The following WHRN variants were observed in gnomAD, a reference collection of about 807,000 sequenced individuals.
The protein encoded by WHRN is whirlin, also known as CASK-interacting protein CIP98.
Under a neutral mutation model 68.3 loss-of-function variants are expected in WHRN, and 41 were observed. The ratio of observed to expected loss-of-function variants is 0.60; its 90% CI spans 0.47 to 0.78. WHRN has a LOEUF of 0.78. Ranked by LOEUF, WHRN falls within the 30% of genes least tolerant of loss-of-function variation. The pLI is 0.00. For synonymous variants in WHRN, 560 were observed against 561.3 expected (o/e 1.00, Z 0.03); for missense variants, 1,243 against 1,244.7 (o/e 1.00, Z 0.02).
chr9:114,503,187 G>C (rs1844081892), intron 1 of WHRN: 1 of 985,556 alleles, frequency 1.0e-6, no homozygotes, highest in African/African-American at 1.7e-5. Context: ...GCAGCCAGCA[G>C]GCCCTCAGCT....
chr9:114,423,855 T>C (rs1359168039), intron 6 of WHRN, among the ~76,000 whole-genome samples: 1 of 152,198 alleles, frequency 6.6e-6, no homozygotes, highest in East Asian at 1.9e-4. Context: ...CCAAATCCTA[T>C]TTCCTCTGTT....
At chr9:114,474,218 A>G (rs991778081) in intron 2 of WHRN, among the ~76,000 whole-genome samples, 1 of 152,192 alleles carries the variant, frequency 6.6e-6, no homozygotes, top group Admixed American at 6.5e-5. Flanking sequence ...AGTTCACCTT[A>G]ACTAAAACAA....
At chr9:114,470,591 G>A (rs1019931344) in intron 2 of WHRN, among the ~76,000 whole-genome samples, 7 of 152,164 alleles carry the variant, frequency 4.6e-5, no homozygotes, top group African/African-American at 4.8e-5. Flanking sequence ...GTGGTCTTAC[G>A]ATGGTGGTGA....
At chr9:114,489,934 A>G (rs943743356) in intron 1 of WHRN, among the ~76,000 whole-genome samples, 1 of 152,226 alleles carries the variant, frequency 6.6e-6, no homozygotes, top group Non-Finnish European at 1.5e-5. Flanking sequence ...TCTCTTAAAC[A>G]AAAGTCCAAA....
In WHRN at chr9:114,498,900, A is replaced by T. The variant is rs183856842; in HGVS notation, c.618+5284T>A. The stretch of plus-strand genomic sequence containing the variant: ...AGGGAACAGGAGGGACAAAGCACCC[A>T]GCACATAGTAGGTAATCGTTAATGT... On this transcript the variant is annotated intron_variant, in intron 1 of 11. Transcript: ENST00000362057. Among the ~76,000 whole-genome samples, 694 of 152,314 alleles carry T rather than the reference A, an allele frequency of 4.6e-3. 3 individuals are homozygous for T. Among genetic ancestry groups the T allele is most frequent in the Admixed American group, 0.012 (177 of 15,304 alleles).
chr9:114,434,258 A>C (rs987353238), intron 3 of WHRN, among the ~76,000 whole-genome samples: 1 of 152,166 alleles, frequency 6.6e-6, no homozygotes, highest in Non-Finnish European at 1.5e-5. Context: ...AGGCTCAGAG[A>C]GGTGAAGCTA....
chr9:114,453,638 A>G (rs1432033903), intron 3 of WHRN, among the ~76,000 whole-genome samples: 3 of 152,224 alleles, frequency 2.0e-5, no homozygotes, highest in African/African-American at 4.8e-5. Flanking sequence ...AAATTCCACA[A>G]CTTGGATGAA....
At chr9:114,405,179 GTC>G (rs1834940936) in intron 9 of WHRN, among the ~76,000 whole-genome samples, 6 of 149,684 alleles carry the variant, frequency 4.0e-5, no homozygotes, top group Non-Finnish European at 5.9e-5. Flanking sequence ...GGTTCAAGTG[GTC>G]CTCCCACCTC....
At chr9:114,410,061 C>T (rs187564928) in intron 7 of WHRN, among the ~76,000 whole-genome samples, 4 of 152,244 alleles carry the variant, frequency 2.6e-5, no homozygotes, top group East Asian at 1.9e-4. Context: ...TTGCACCTGC[C>T]GCTCTCACTC....
At chr9:114,418,211 G>A (rs1181678927) in intron 7 of WHRN, among the ~76,000 whole-genome samples, 2 of 152,156 alleles carry the variant, frequency 1.3e-5, no homozygotes, top group Admixed American at 1.3e-4. Flanking sequence ...AGTCGCTCCT[G>A]AGGAAGGGTG....
chr9:114,478,687 T>A lies in WHRN; in HGVS notation c.703A>T (p.Thr235Ser). 1.2e-6 allele frequency: 2 copies of A among 1,612,920 alleles called. No homozygotes were observed. Among genetic ancestry groups the A allele is most frequent in the African/African-American group, 2.7e-5 (2 of 75,012 alleles). ...PGGYVTNHIY[T>S]WVDPQGRSIS... ...CTGCGGCCCTGCGGGTCCACCCAGG[T>A]GTAGATGTGGTTGGTGACGTAGCCC... Residue 235 changes from threonine (T) to serine (S), a missense_variant, in exon 2 of 12, where the codon ACC becomes TCC. Thr to Ser is a moderately conservative substitution (Grantham distance 58). Transcript: ENST00000362057.
At chr9:114,454,576 A>T (rs746732783) in intron 3 of WHRN, among the ~76,000 whole-genome samples, 5 of 152,198 alleles carry the variant, frequency 3.3e-5, no homozygotes, top group African/African-American at 4.8e-5. Flanking sequence ...AAACCTAAAT[A>T]AATGGAGAGA....
chr9:114,408,086 G>C (rs1835171181), intron 7 of WHRN, 68 bp from the exon 8 acceptor site: 8 of 1,349,086 alleles, frequency 5.9e-6, no homozygotes, highest in Non-Finnish European at 8.3e-6. Context: ...TTGTTCTCCA[G>C]CACACCAAAA....
At chr9:114,425,928 C>T (rs893683975) in intron 4 of WHRN, 1 of 485,800 alleles carries the variant, frequency 2.1e-6, no homozygotes. Flanking sequence ...TTATGGTCCC[C>T]ACTTTTTGGA....
At chr9:114,499,750 T>C (rs1201419322) in intron 1 of WHRN, among the ~76,000 whole-genome samples, 1 of 152,162 alleles carries the variant, frequency 6.6e-6, no homozygotes, top group Non-Finnish European at 1.5e-5. Flanking sequence ...GCAGGCAGAG[T>C]TGGAAAGCAG....
chr9:114,424,519 A>C lies in WHRN; in HGVS notation c.1231T>G (p.Ser411Ala), dbSNP rs2132378594. The C allele has an allele frequency of 6.2e-7, 1 of 1,613,556 alleles. No individual in the cohort carries two copies. The highest frequency in any genetic ancestry group is 2.2e-5 in the East Asian group (1 of 44,844). ...KPGFYKGPAG[S>A]QVTLSSLGNQ... Reference sequence around the variant, plus strand: ...CCCAGGCTGCTCAGGGTCACCTGGGAGCCGGCTGGGCCCTTGTAAAATCCT... The same window carrying C: ...CCCAGGCTGCTCAGGGTCACCTGGGCGCCGGCTGGGCCCTTGTAAAATCCT... The change falls in exon 6 of 12, where the codon TCC becomes GCC. Residue 411 changes from serine (S) to alanine (A), a missense_variant. Transcript: ENST00000362057.
chr9:114,439,448 G>A (rs1163225233), intron 3 of WHRN, among the ~76,000 whole-genome samples: 1 of 152,204 alleles, frequency 6.6e-6, no homozygotes, highest in East Asian at 1.9e-4. Flanking sequence ...TTTGTGTCTT[G>A]TAAAATTGGG....
intron 7 of WHRN, among the ~76,000 whole-genome samples, chr9:114,414,491 C>T (rs1330290374): frequency 1.3e-5 from 2 of 152,212 alleles, no homozygotes; most frequent in Non-Finnish European, 2.9e-5. Context: ...ACCCCCAGTC[C>T]TAAGTCAGTG....
rs767100303 is a variant in WHRN at position 114,404,068 on chromosome 9, G to C, written c.2246C>G (p.Thr749Arg). The stretch of plus-strand genomic sequence containing the variant: ...CCCGCTGTCCGAGAGCTGGGAGAGC[G>C]TAGAGGCTGCTGGAGAGGGGAAAAG... ...RALPQTRTAS[T>R]LSQLSDSGQT... is the part of the protein sequence containing the mutation. The change falls in exon 10 of 12, where the codon ACG becomes AGG. Residue 749 changes from threonine to arginine, a missense_variant. Physicochemically the swap from Thr to Arg is moderately conservative, Grantham distance 71. Coordinates refer to ENST00000362057, the MANE Select transcript of WHRN (RefSeq NM_015404.4). The C allele has an allele frequency of 1.2e-6, 2 of 1,612,852 alleles. No individual in the cohort carries two copies. Among genetic ancestry groups the C allele is most frequent in the African/African-American group, 2.7e-5 (2 of 74,950 alleles).
Sources: gnomAD v4.1 joint callset for allele counts (sites outside exome capture counted in the v4.1 genomes callset) on GRCh38, gnomAD v4.1.1 for gene constraint, MANE v1.5 for transcripts, NCBI Gene and HGNC (gene_info 2026-07-23, HGNC 2026-07-21) for gene names.